Variants in DGKB observed in about 807,000 individuals in gnomAD.
DGKB encodes 90 kDa diacylglycerol kinase.
A neutral mutation model predicts 114.3 loss-of-function variants in DGKB; 67 were observed. The observed-to-expected ratio is 0.59, with a 90% confidence interval of 0.48 to 0.72. The LOEUF (loss-of-function observed/expected upper bound fraction) is 0.72. Ranked by LOEUF, DGKB falls within the 30% of genes least tolerant of loss-of-function variation. DGKB has a pLI of 0.00. For synonymous variants in DGKB, 398 were observed against 323.1 expected (o/e 1.23, Z -2.49); for missense variants, 907 against 975.2 (o/e 0.93, Z 0.93).
chr7:14,708,838 G>A (rs1040124034), intron 6 of DGKB, among the ~76,000 whole-genome samples: 10 of 149,682 alleles, frequency 6.7e-5, no homozygotes, highest in South Asian at 2.1e-4. Flanking sequence ...AGATTTAAAC[G>A]TTAGACCTAA....
chr7:14,585,040 T>G (rs1014608240), intron 17 of DGKB, among the ~76,000 whole-genome samples: 2 of 152,120 alleles, frequency 1.3e-5, no homozygotes, highest in African/African-American at 4.8e-5. Context: ...TTAAAAAAAT[T>G]TTGTCAAGGT....
intron 5 of DGKB, among the ~76,000 whole-genome samples, chr7:14,730,182 T>G (rs537285277): frequency 1.3e-5 from 2 of 152,232 alleles, no homozygotes; most frequent in Non-Finnish European, 2.9e-5. Context: ...AACTAACAGT[T>G]ACTAATAATT....
chr7:14,486,017 C>A (rs957193592), intron 20 of DGKB, among the ~76,000 whole-genome samples: 1 of 152,064 alleles, frequency 6.6e-6, no homozygotes, highest in Non-Finnish European at 1.5e-5. Flanking sequence ...TAATTAGAAT[C>A]CAGTTCAAGT....
At chr7:14,740,009 C>G (rs1398113441) in intron 4 of DGKB, among the ~76,000 whole-genome samples, 1 of 152,228 alleles carries the variant, frequency 6.6e-6, no homozygotes, top group African/African-American at 2.4e-5. Flanking sequence ...CATCCAACAG[C>G]CATGCAGGGC....
At chr7:14,860,867 T>G (rs1850875693) in intron 1 of DGKB, among the ~76,000 whole-genome samples, 2 of 151,956 alleles carry the variant, frequency 1.3e-5, no homozygotes, top group Admixed American at 1.3e-4. Context: ...TTATAGATTT[T>G]GTGACATTTT....
At chr7:14,952,482 T>C (rs779906881) in intron 1 of DGKB, among the ~76,000 whole-genome samples, 3 of 151,892 alleles carry the variant, frequency 2.0e-5, no homozygotes, top group South Asian at 2.1e-4. Context: ...GAAATTAATA[T>C]AGTGATTCTA....
intron 20 of DGKB, among the ~76,000 whole-genome samples, chr7:14,529,718 T>G (rs1791244496): frequency 6.6e-6 from 1 of 151,834 alleles, no homozygotes; most frequent in Admixed American, 6.6e-5. Context: ...AGTGTTAATA[T>G]CATAATTTTT....
At chr7:14,599,936 CTT>C (rs1225594555) in intron 17 of DGKB, among the ~76,000 whole-genome samples, 4 of 152,034 alleles carry the variant, frequency 2.6e-5, no homozygotes, top group Non-Finnish European at 5.9e-5. Context: ...TTATTAAAAA[CTT>C]AACTCCTATA....
At chr7:14,227,156 C>G (rs1048231172) in intron 23 of DGKB, among the ~76,000 whole-genome samples, 3 of 152,002 alleles carry the variant, frequency 2.0e-5, no homozygotes, top group Non-Finnish European at 4.4e-5. Flanking sequence ...TACAGGTGGT[C>G]CAAGCCTTGG....
chr7:14,682,846 A>G lies in DGKB; in HGVS notation c.830-5T>C. The G allele has an allele frequency of 6.4e-7, 1 of 1,573,830 alleles. No individual in the cohort carries two copies. The highest frequency in any genetic ancestry group is 8.6e-7 in the Non-Finnish European group (1 of 1,157,430). ...CATGGACTGTGTACTTGCAGACTGA[A>G]AGGAAACAGGTACACAAATTCAGAG... On this transcript the variant is annotated splice_region_variant and splice_polypyrimidine_tract_variant and intron_variant, in intron 10 of 25. Coordinates refer to ENST00000402815, the MANE Select transcript of DGKB (RefSeq NM_001350709.2).
rs757006517 is a variant in DGKB, at chr7:14,698,699, T to G, written c.517-530A>C. ...ACAAGTATATGCAGCATTTATTTTGTGAGAGGATGAAATTTTAGTTTGAAT... is the reference window on the plus strand; with the variant it reads ...ACAAGTATATGCAGCATTTATTTTGGGAGAGGATGAAATTTTAGTTTGAAT... On this transcript the variant is annotated intron_variant, in intron 7 of 25. Coordinates refer to ENST00000402815, the MANE Select transcript of DGKB (RefSeq NM_001350709.2). Among the ~76,000 whole-genome samples the G allele has an allele frequency of 1.8e-4, 28 of 152,288 alleles. No homozygotes were observed. In the East Asian group the frequency reaches 3.9e-3, roughly 21 times the overall value.
At position 14,722,917 on chromosome 7, in the gene DGKB, T is replaced by C. The variant is rs143141161; in HGVS notation, c.323-4232A>G. ...TTTTTTTAAATGTTTCTTTATATTA[T>C]ATTTTCATTTAGTTTTCTGAAAGCA... is the stretch of plus-strand genomic sequence containing the variant. On this transcript the variant is annotated intron_variant, in intron 5 of 25. Coordinates refer to ENST00000402815, the MANE Select transcript of DGKB (RefSeq NM_001350709.2). Among the ~76,000 whole-genome samples, 288 of 152,198 alleles carry C rather than the reference T, an allele frequency of 1.9e-3. 2 individuals are homozygous for C. The highest frequency in any genetic ancestry group is 6.3e-3 in the African/African-American group (263 of 41,564).
chr7:14,227,052 TG>T lies in DGKB; in HGVS notation c.2123-48902del, dbSNP rs1421682162. 2.0e-5 allele frequency among the ~76,000 whole-genome samples: 3 copies of T among 152,004 alleles called. No individual in the cohort carries two copies. In the East Asian group the frequency reaches 5.8e-4, roughly 30 times the overall value. On this transcript the variant is annotated intron_variant, in intron 23 of 25. Coordinates refer to ENST00000402815, the MANE Select transcript of DGKB (RefSeq NM_001350709.2). ...GCACCAGGCAAGAATCTCATTTTTTTGTCTGTTTGTTTTAAGAGAAAGCTGC... is the reference window on the plus strand; with the variant it reads ...GCACCAGGCAAGAATCTCATTTTTTTTCTGTTTGTTTTAAGAGAAAGCTGC...
chr7:14,817,907 T>C (rs1353832689), intron 2 of DGKB, among the ~76,000 whole-genome samples: 2 of 150,418 alleles, frequency 1.3e-5, no homozygotes, highest in Admixed American at 6.7e-5. Context: ...TATGGCATGA[T>C]GCTGACAGCA....
intron 23 of DGKB, among the ~76,000 whole-genome samples, chr7:14,214,400 A>C (rs1052505433): frequency 6.6e-6 from 1 of 152,148 alleles, no homozygotes; most frequent in Non-Finnish European, 1.5e-5. Flanking sequence ...TTTTTTAACA[A>C]AGAAAAATTT....
intron 2 of DGKB, among the ~76,000 whole-genome samples, chr7:14,814,998 T>C (rs771198225): frequency 6.6e-6 from 1 of 152,220 alleles, no homozygotes; most frequent in Non-Finnish European, 1.5e-5. Flanking sequence ...TTTTTTCTAA[T>C]AGTTAATCCT....
chr7:14,580,770 A>G (rs1799804463), intron 19 of DGKB, 92 bp downstream of exon 19: 3 of 839,044 alleles, frequency 3.6e-6, no homozygotes, highest in South Asian at 3.8e-5. Context: ...CACTGAAATC[A>G]TATCGTTTTT....
chr7:14,158,487 T>C (rs6962724), intron 25 of DGKB, among the ~76,000 whole-genome samples: 11 of 152,000 alleles, frequency 7.2e-5, no homozygotes, highest in Non-Finnish European at 4.4e-5. Context: ...CACTGTCTTA[T>C]TAGAAGAAGA....
At chr7:14,355,189 A>G (rs534336147) in intron 21 of DGKB, among the ~76,000 whole-genome samples, 1 of 149,380 alleles carries the variant, frequency 6.7e-6, no homozygotes, top group Non-Finnish European at 1.5e-5. Context: ...CCCCCATCCT[A>G]TTTAGTGGTC....
Sources: gnomAD v4.1 joint callset for allele counts (sites outside exome capture counted in the v4.1 genomes callset) on GRCh38, gnomAD v4.1.1 for gene constraint, MANE v1.5 for transcripts, NCBI Gene and HGNC (gene_info 2026-07-23, HGNC 2026-07-21) for gene names.